The following NKTR variants were observed in gnomAD, a reference collection of about 807,000 sequenced individuals.
NKTR encodes the protein natural killer cell triggering receptor, also known as NK-tumor recognition protein.
Under a neutral mutation model 156.3 loss-of-function variants are expected in NKTR, and 67 were observed. The observed-to-expected ratio is 0.43, with a 90% CI of 0.35 to 0.53. The LOEUF is 0.53. Among genes scored for constraint, NKTR ranks in the 20% least tolerant of loss-of-function variants. The pLI is 0.01. For synonymous variants in NKTR, 640 were observed against 596.6 expected (o/e 1.07, Z -1.06); for missense variants, 1,604 against 1,730.9 (o/e 0.93, Z 1.30).
intron 6 of NKTR, chr3:42,629,150 G>T: frequency 1.0e-6 from 1 of 981,164 alleles, no homozygotes; most frequent in Non-Finnish European, 1.2e-6. Context: ...ACCATCCAAG[G>T]TGGTTTCTGG....
At chr3:42,618,942 G>T (rs898728597) in intron 3 of NKTR, 78 bp from the exon 4 acceptor site, 1 of 1,205,596 alleles carries the variant, frequency 8.3e-7, no homozygotes, top group Non-Finnish European at 1.2e-6. Flanking sequence ...TTTGACACAG[G>T]ATTAATTGGT....
chr3:42,600,867 C>A, intron 1 of NKTR, 89 bp downstream of exon 1: 3 of 591,706 alleles, frequency 5.1e-6, no homozygotes, highest in South Asian at 6.0e-5. Flanking sequence ...CCTGCGCTGT[C>A]GCGACGGGCC....
chr3:42,629,215 T>C (rs1708677119), intron 6 of NKTR: 3 of 984,774 alleles, frequency 3.0e-6, no homozygotes, highest in Non-Finnish European at 3.6e-6. Context: ...AGATAGTTTT[T>C]GTTCTGTTTT....
intron 6 of NKTR, among the ~76,000 whole-genome samples, chr3:42,622,045 A>G (rs186976111): frequency 6.6e-6 from 1 of 151,876 alleles, no homozygotes; most frequent in East Asian, 1.9e-4. Flanking sequence ...ATTTTAAAAA[A>G]CTCATTTTAT....
intron 6 of NKTR, among the ~76,000 whole-genome samples, chr3:42,622,520 T>A (rs1199428698): frequency 6.6e-6 from 1 of 152,046 alleles, no homozygotes; most frequent in African/African-American, 2.4e-5. Context: ...AATGTTAAAT[T>A]TGTCTGAAAA....
chr3:42,639,745 T>G lies in NKTR; in HGVS notation c.4041T>G (p.Ser1347=). 6.3e-7 allele frequency: 1 copy of G among 1,597,438 alleles called. No homozygotes were observed. The highest frequency in any genetic ancestry group is 8.5e-7 in the Non-Finnish European group (1 of 1,169,974). ...GTCGATCGAGAAGTTCCACATCATC[T>G]TATCGGTGAGCAATATTCTCTTTCC... ...SRSRSRSSTS[S]YRSRSYSRSR... is the part of the protein sequence containing the mutation. The change falls in exon 13 of 17, where the codon TCT becomes TCG. Residue 1347 remains serine, a synonymous_variant. Transcript: ENST00000232978.
At position 42,638,408 on chromosome 3, in the gene NKTR, G is replaced by T. The variant is rs1211898538; in HGVS notation, c.2704G>T (p.Asp902Tyr). The T allele has an allele frequency of 2.5e-6, 4 of 1,613,794 alleles. No individual in the cohort carries two copies. The African/African-American group carries it at 5.3e-5, about 22-fold the overall frequency. Reference sequence around the variant, plus strand: ...AGATGTCACTAAAAACAGTAAAAATGACTCCCATCCATCCTCTGACAAGGA... The same window carrying T: ...AGATGTCACTAAAAACAGTAAAAATTACTCCCATCCATCCTCTGACAAGGA... ...ERDVTKNSKN[D>Y]SHPSSDKEEG... The change falls in exon 13 of 17, where the codon GAC (aspartate) becomes TAC (tyrosine). Residue 902 changes from aspartate to tyrosine, a missense_variant. Physicochemically the swap from Asp to Tyr is radical, Grantham distance 160. Transcript: ENST00000232978.
chr3:42,623,773 A>G (rs914948282), intron 6 of NKTR: 2 of 152,224 alleles, frequency 1.3e-5, no homozygotes, highest in Non-Finnish European at 2.9e-5. Context: ...CCTTGTTACC[A>G]CAGCTCCTCA....
chr3:42,645,208 A>G (rs183612371), intron 16 of NKTR, among the ~76,000 whole-genome samples: 2 of 150,708 alleles, frequency 1.3e-5, no homozygotes, highest in Non-Finnish European at 2.9e-5. Context: ...CAGGTAATCT[A>G]TTCAAATATT....
Position 42,631,306 on chromosome 3 carries a change from A to C in NKTR, c.540A>C (p.Ser180=), listed in dbSNP as rs1275801894. The change falls in exon 8 of 17, where the codon TCA becomes TCC. Residue 180 remains serine, a synonymous_variant. Transcript: ENST00000232978. ...ACTGTGGAGTACTTGCCACAAAATC[A>C]ATAAAAGATGGTAAGAACTTTTTTG... ...VIDCGVLATK[S]IKDVFEKKRK... 1 of 1,613,556 alleles carries C rather than the reference A, an allele frequency of 6.2e-7. No homozygotes were observed. The highest frequency in any genetic ancestry group is 1.7e-5 in the Admixed American group (1 of 59,962).
intron 11 of NKTR, 44 bp from the exon 12 acceptor site, chr3:42,635,177 G>A (rs754535567): frequency 1.0e-5 from 16 of 1,561,114 alleles, no homozygotes; most frequent in South Asian, 5.9e-5. Flanking sequence ...GCAGACTGTC[G>A]TGGAGAGGCA....
chr3:42,633,375 A>G lies in NKTR; in HGVS notation c.774-205A>G, dbSNP rs980378961. On this transcript the variant is annotated intron_variant, in intron 9 of 16. Transcript: ENST00000232978. ...CTCTTAAAATAAAAAAGTTAGGATC[A>G]TTTAACAATTTTCCTATCAAAATTC... The G allele has an allele frequency of 6.7e-6, 9 of 1,352,874 alleles. No individual in the cohort carries two copies. In the African/African-American group the frequency reaches 1.3e-4, roughly 20 times the overall value. The allele number at this position is 1,352,874 out of a possible 1,614,324, so 83.8% of individuals were successfully genotyped here.
At position 42,646,705 on chromosome 3, in the gene NKTR, C is replaced by T. The variant is rs1710365268; in HGVS notation, c.*730C>T. ...CGATCAGAAGTTTAGGTTATAAAAA[C>T]AATTCTACTTCATGCTTTGGTGCTT... On this transcript the variant is annotated 3_prime_UTR_variant, in exon 17 of 17. Transcript: ENST00000232978. 6.6e-6 allele frequency: 1 copy of T among 152,626 alleles called. No homozygotes were observed. The allele number at this position is 152,626 out of a possible 1,614,324, so 9.5% of individuals were successfully genotyped here.
chr3:42,621,041 T>A, intron 5 of NKTR: 2 of 981,006 alleles, frequency 2.0e-6, no homozygotes, highest in Non-Finnish European at 2.4e-6. Flanking sequence ...TTGAACTTCT[T>A]CCATGTATAG....
rs996518410 is a variant in NKTR, at chr3:42,646,623, A to G, written c.*648A>G. The G allele has an allele frequency of 6.5e-6, 1 of 152,684 alleles. No homozygotes were observed. Among genetic ancestry groups the G allele is most frequent in the Non-Finnish European group, 1.5e-5 (1 of 68,066 alleles). The allele number at this position is 152,684 out of a possible 1,614,324, so 9.5% of individuals were successfully genotyped here. On this transcript the variant is annotated 3_prime_UTR_variant, in exon 17 of 17. Transcript: ENST00000232978. ...TAGGAAGAATCAATCAGCCTTAACT[A>G]TAAATACCTGCACTGTCTCTGAGGA...
At chr3:42,605,784 C>T (rs892733799) in intron 2 of NKTR, among the ~76,000 whole-genome samples, 3 of 152,140 alleles carry the variant, frequency 2.0e-5, no homozygotes, top group Admixed American at 6.5e-5. Flanking sequence ...AAATGACTTG[C>T]ACTGTATATG....
At position 42,637,930 on chromosome 3, in the gene NKTR, T is replaced by A; in HGVS notation, c.2226T>A (p.Ser742=). Residue 742 remains serine, a synonymous_variant, in exon 13 of 17, where the codon TCT becomes TCA. Coordinates refer to ENST00000232978, the MANE Select transcript of NKTR (RefSeq NM_005385.4). The part of the protein sequence containing the change: ...YSDHSQCSRS[S]SYTSISSDDG... ...ATCATTCACAGTGTAGTAGATCATC[T>A]TCATATACTTCTATTAGCAGTGATG... 6.2e-7 allele frequency: 1 copy of A among 1,613,978 alleles called. No homozygotes were observed. The highest frequency in any genetic ancestry group is 8.5e-7 in the Non-Finnish European group (1 of 1,179,860).
chr3:42,617,830 A>G (rs1707522596), intron 3 of NKTR, among the ~76,000 whole-genome samples, 186 bp downstream of exon 3: 1 of 152,080 alleles, frequency 6.6e-6, no homozygotes, highest in Non-Finnish European at 1.5e-5. Flanking sequence ...GGAAGAGATT[A>G]GAAAGGAATG....
chr3:42,637,078 G>A lies in NKTR; in HGVS notation c.1374G>A (p.Arg458=). 6.2e-7 allele frequency: 1 copy of A among 1,605,250 alleles called. No homozygotes were observed. The highest frequency in any genetic ancestry group is 1.4e-5 in the African/African-American group (1 of 73,886). ...CRRHKQTKKR[R]ILIPSDIESS... ...GACACAAACAAACAAAGAAGAGAAG[G>A]ATTCTTATACCGTCTGACATAGAAT... Residue 458 remains arginine, a synonymous_variant, in exon 13 of 17, where the codon AGG becomes AGA. Coordinates refer to ENST00000232978, the MANE Select transcript of NKTR (RefSeq NM_005385.4).
Sources: allele counts gnomAD v4.1 joint callset (sites outside exome capture counted in the v4.1 genomes callset), GRCh38; gene constraint gnomAD v4.1.1; transcripts MANE v1.5; gene names NCBI Gene and HGNC (gene_info 2026-07-23, HGNC 2026-07-21).